The following ADRA1B variants were observed in gnomAD, a reference collection of about 807,000 sequenced individuals.
The protein encoded by ADRA1B is alpha-1B adrenergic receptor.
ADRA1B carries 17 observed loss-of-function variants against 17.9 expected under a neutral mutation model. The observed-to-expected ratio is 0.95, with a 90% CI of 0.65 to 1.42. ADRA1B has a LOEUF of 1.42. Among genes scored for constraint, ADRA1B ranks in the 40% most tolerant of loss-of-function variants. The pLI is 0.00. For missense variants in ADRA1B, 681 were observed against 722.1 expected, an observed-to-expected ratio of 0.94 and a Z score of 0.65; for synonymous variants, 366 against 327.6, an observed-to-expected ratio of 1.12 and a Z score of -1.27.
At position 159,964,974 on chromosome 5, in the gene ADRA1B, TTC is replaced by T. The variant is rs1015355264; in HGVS notation, c.950-6904_950-6903del. ...GAAAATAATTATTACCCTCCCAATT[TTC>T]CAGGAAACCAAGCCTCACCAAACTT... On this transcript the variant is annotated intron_variant, in intron 1 of 1. Coordinates refer to ENST00000306675, the MANE Select transcript of ADRA1B (RefSeq NM_000679.4). Among the ~76,000 whole-genome samples, 6 of 152,112 alleles carry T rather than the reference TTC, an allele frequency of 3.9e-5. No homozygotes were observed. In the East Asian group the frequency reaches 1.2e-3, roughly 29 times the overall value.
At chr5:159,867,159 C>A (rs564663230) in intron 1 of ADRA1B, 1 of 152,192 alleles carries the variant, frequency 6.6e-6, no homozygotes, top group African/African-American at 2.4e-5. Context: ...CAGTTGCCCA[C>A]TGGTCCCCTC....
chr5:159,961,462 TG>T (rs1372782365), intron 1 of ADRA1B, among the ~76,000 whole-genome samples: 1 of 152,232 alleles, frequency 6.6e-6, no homozygotes, highest in African/African-American at 2.4e-5. Context: ...CAGGGTTAAG[TG>T]GCAAATAAAA....
At position 159,924,350 on chromosome 5, in the gene ADRA1B, A is replaced by C. The variant is rs1347814763; in HGVS notation, c.949+6496A>C. ...AATTAAAAGTTAGTACCCTATGTCA[A>C]TCCCTTTCAGAAATTTTTTTCAAAC... On this transcript the variant is annotated intron_variant, in intron 1 of 1. Coordinates refer to ENST00000306675, the MANE Select transcript of ADRA1B (RefSeq NM_000679.4). Among the ~76,000 whole-genome samples, 4 of 152,256 alleles carry C rather than the reference A, an allele frequency of 2.6e-5. No individual in the cohort carries two copies. In the East Asian group the frequency reaches 5.8e-4, roughly 22 times the overall value.
chr5:159,868,494 C>T (rs1753692928), intron 1 of ADRA1B: 1 of 152,162 alleles, frequency 6.6e-6, no homozygotes, highest in Admixed American at 6.6e-5. Context: ...GTGTTGAAAA[C>T]TTGTATATTT....
chr5:159,901,600 C>T (rs969363266), intron 1 of ADRA1B, among the ~76,000 whole-genome samples: 1 of 152,166 alleles, frequency 6.6e-6, no homozygotes, highest in Non-Finnish European at 1.5e-5. Flanking sequence ...CTGAAAGCTT[C>T]TTGAGGGGCT....
chr5:159,921,345 A>G (rs1319788287), intron 1 of ADRA1B, among the ~76,000 whole-genome samples: 1 of 152,226 alleles, frequency 6.6e-6, no homozygotes, highest in African/African-American at 2.4e-5. Flanking sequence ...GGGACAGGAA[A>G]TAATTGGAAT....
chr5:159,904,132 A>G (rs1754132802), intron 1 of ADRA1B, among the ~76,000 whole-genome samples: 1 of 152,212 alleles, frequency 6.6e-6, no homozygotes, highest in Admixed American at 6.5e-5. Flanking sequence ...ATAATTTTTA[A>G]AAAGCTGCTT....
At chr5:159,945,181 T>C (rs1386211208) in intron 1 of ADRA1B, among the ~76,000 whole-genome samples, 1 of 152,018 alleles carries the variant, frequency 6.6e-6, no homozygotes, top group African/African-American at 2.4e-5. Context: ...TTGAGAGCAG[T>C]CTGGCCAACG....
At chr5:159,882,665 G>A (rs931498240) in intron 1 of ADRA1B, among the ~76,000 whole-genome samples, 2 of 152,220 alleles carry the variant, frequency 1.3e-5, no homozygotes, top group African/African-American at 4.8e-5. Flanking sequence ...TCACCCAATA[G>A]CCTGATCATA....
chr5:159,897,777 T>G (rs1754055247), intron 1 of ADRA1B, among the ~76,000 whole-genome samples: 1 of 152,238 alleles, frequency 6.6e-6, no homozygotes, highest in African/African-American at 2.4e-5. Context: ...CTGGGTTACA[T>G]GATCCTGAAA....
At chr5:159,919,292 T>A (rs1008455822) in intron 1 of ADRA1B, among the ~76,000 whole-genome samples, 2 of 152,204 alleles carry the variant, frequency 1.3e-5, no homozygotes, top group African/African-American at 4.8e-5. Flanking sequence ...TGCTTTTCTT[T>A]CCCAAGGTCT....
At chr5:159,942,232 T>G (rs1581054274) in intron 1 of ADRA1B, among the ~76,000 whole-genome samples, 1 of 152,038 alleles carries the variant, frequency 6.6e-6, no homozygotes, top group African/African-American at 2.4e-5. Context: ...GGGTACTGGG[T>G]TTTTTTAGGG....
the ADRA1B span, among the ~76,000 whole-genome samples, chr5:159,986,670 T>C: frequency 9.5e-4 from 144 of 152,258 alleles, 1 homozygote; most frequent in African/African-American, 3.2e-3. Context: ...TAATCTGCGT[T>C]TTAAAGAAAT....
At chr5:159,909,202 G>A (rs1023303200) in intron 1 of ADRA1B, among the ~76,000 whole-genome samples, 7 of 151,980 alleles carry the variant, frequency 4.6e-5, no homozygotes, top group South Asian at 4.2e-4. Context: ...TATGCTCCCC[G>A]TTCCCAAGTC....
the ADRA1B span, among the ~76,000 whole-genome samples, chr5:159,983,266 A>T: frequency 6.6e-6 from 1 of 152,192 alleles, no homozygotes; most frequent in Non-Finnish European, 1.5e-5. Flanking sequence ...CCCAAGGGCC[A>T]GCTAGTCCAG....
At chr5:159,971,028 T>C (rs747059867) in intron 1 of ADRA1B, among the ~76,000 whole-genome samples, 1 of 152,164 alleles carries the variant, frequency 6.6e-6, no homozygotes, top group Non-Finnish European at 1.5e-5. Flanking sequence ...TCTCAATCCC[T>C]TGGGCTCAAG....
At chr5:159,907,579 A>G (rs1236696681) in intron 1 of ADRA1B, among the ~76,000 whole-genome samples, 1 of 152,202 alleles carries the variant, frequency 6.6e-6, no homozygotes, top group African/African-American at 2.4e-5. Context: ...TAACAGAGAA[A>G]ATCTGTACCT....
intron 1 of ADRA1B, among the ~76,000 whole-genome samples, chr5:159,962,756 A>G (rs1755695318): frequency 7.0e-6 from 1 of 143,010 alleles, no homozygotes; most frequent in African/African-American, 2.7e-5. Context: ...CTTCAGCCTC[A>G]ACCTCCTGAG....
intron 1 of ADRA1B, among the ~76,000 whole-genome samples, chr5:159,882,661 A>G (rs1235981405): frequency 6.6e-6 from 1 of 152,206 alleles, no homozygotes; most frequent in Non-Finnish European, 1.5e-5. Flanking sequence ...TCCATCACCC[A>G]ATAGCCTGAT....
Sources: allele counts gnomAD v4.1 joint callset (sites outside exome capture counted in the v4.1 genomes callset), GRCh38; gene constraint gnomAD v4.1.1; transcripts MANE v1.5; gene names NCBI Gene and HGNC (gene_info 2026-07-23, HGNC 2026-07-21).